MAST2: variants seen among roughly 807,000 people sequenced by gnomAD.
MAST2 encodes microtubule associated serine/threonine kinase 2.
In MAST2, 70 loss-of-function variants were observed where a neutral mutation model predicts 147.4. The ratio of observed to expected loss-of-function variants is 0.47; its 90% CI spans 0.39 to 0.58. The LOEUF is 0.58. Among genes scored for constraint, MAST2 ranks in the 20% least tolerant of loss-of-function variants. The probability of loss-of-function intolerance (pLI) is 0.00; values close to 1 mark genes in which losing one functional copy is unlikely to be tolerated. For missense variants in MAST2, 2,080 were observed against 2,302.3 expected, an observed-to-expected ratio of 0.90 and a Z score of 1.98; for synonymous variants, 869 against 896.8, an observed-to-expected ratio of 0.97 and a Z score of 0.55.
chr1:45,990,575 C>T (rs1395156334), intron 5 of MAST2, among the ~76,000 whole-genome samples: 1 of 152,102 alleles, frequency 6.6e-6, no homozygotes, highest in Admixed American at 6.5e-5. Context: ...CCCACTACAG[C>T]CCAAGCTCAA....
chr1:45,805,650 C>G (rs1291487900), intron 1 of MAST2, among the ~76,000 whole-genome samples: 1 of 151,996 alleles, frequency 6.6e-6, no homozygotes, highest in Non-Finnish European at 1.5e-5. Context: ...CTTGATTTTT[C>G]CCTCCTCTTT....
chr1:45,988,517 T>G (rs942949566), intron 5 of MAST2, among the ~76,000 whole-genome samples: 3 of 152,218 alleles, frequency 2.0e-5, no homozygotes, highest in African/African-American at 7.2e-5. Context: ...AGTGTGATCT[T>G]TCTTAGCAAA....
rs763661962 is a variant in MAST2, at chr1:46,035,968, A to G, written c.5299A>G (p.Lys1767Glu). The G allele has an allele frequency of 1.2e-6, 2 of 1,613,778 alleles. No homozygotes were observed. The highest frequency in any genetic ancestry group is 1.7e-6 in the Non-Finnish European group (2 of 1,180,016). The stretch of plus-strand genomic sequence containing the variant: ...ATGCCGAGGCTGCCCCCTCACCCAG[A>G]AGTCTGAGCCCAGCCTCAGGAGGGG... ...VPCRGCPLTQ[K>E]SEPSLRRGQE... The change falls in exon 29 of 29, where the codon AAG becomes GAG. Residue 1767 changes from lysine (K) to glutamate (E), a missense_variant. Coordinates refer to ENST00000361297, the MANE Select transcript of MAST2 (RefSeq NM_015112.3). The surrounding 1 kb of genome is among the most constrained non-coding windows in gnomAD (Gnocchi z 5.5).
intron 3 of MAST2, among the ~76,000 whole-genome samples, chr1:45,860,274 C>T (rs576532607): frequency 6.6e-6 from 1 of 150,526 alleles, no homozygotes; most frequent in South Asian, 2.1e-4. Context: ...ATCCCAGCTA[C>T]TCGGGAGGCT....
chr1:46,007,468 G>C (rs151026862), intron 8 of MAST2, among the ~76,000 whole-genome samples: 95 of 152,246 alleles, frequency 6.2e-4, no homozygotes, highest in African/African-American at 2.2e-3. Context: ...AGATTGAGAG[G>C]CCCACAGTGA....
chr1:45,859,180 C>T (rs566950715), intron 3 of MAST2, among the ~76,000 whole-genome samples: 2 of 152,222 alleles, frequency 1.3e-5, no homozygotes, highest in South Asian at 2.1e-4. Flanking sequence ...CTGCAACCTC[C>T]GCCTCCTGGG....
At chr1:45,825,295 G>T (rs1644757257) in intron 2 of MAST2, among the ~76,000 whole-genome samples, 1 of 152,192 alleles carries the variant, frequency 6.6e-6, no homozygotes, top group African/African-American at 2.4e-5. Context: ...ATAGTGCTGG[G>T]ATTACAGGCG....
intron 4 of MAST2, among the ~76,000 whole-genome samples, chr1:45,942,311 A>G (rs1488544292): frequency 5.9e-5 from 9 of 151,982 alleles, no homozygotes; most frequent in Admixed American, 2.6e-4. Context: ...CTTTTATTCT[A>G]TTTTCCAGCA....
chr1:46,026,252 G>A, intron 16 of MAST2, among the ~76,000 whole-genome samples: 1 of 152,178 alleles, frequency 6.6e-6, no homozygotes, highest in Non-Finnish European at 1.5e-5. Flanking sequence ...GAGGGTATTA[G>A]TCAAGTGGAA....
At chr1:45,910,026 C>T (rs940707249) in intron 4 of MAST2, among the ~76,000 whole-genome samples, 2 of 151,908 alleles carry the variant, frequency 1.3e-5, no homozygotes, top group Non-Finnish European at 2.9e-5. Flanking sequence ...TGCCCAGCTA[C>T]TTGTCTTTTT....
At chr1:45,995,082 C>T (rs1255281800) in intron 5 of MAST2, among the ~76,000 whole-genome samples, 1 of 152,044 alleles carries the variant, frequency 6.6e-6, no homozygotes, top group African/African-American at 2.4e-5. Context: ...CCTCGTGATC[C>T]GCCCACCTCA....
intron 4 of MAST2, among the ~76,000 whole-genome samples, chr1:45,942,093 G>A (rs987155841): frequency 6.6e-6 from 1 of 151,714 alleles, no homozygotes; most frequent in Non-Finnish European, 1.5e-5. Context: ...GACCCCAAGA[G>A]GTTTGCCAAC....
At chr1:45,926,650 A>G (rs766743736) in intron 4 of MAST2, among the ~76,000 whole-genome samples, 3 of 152,236 alleles carry the variant, frequency 2.0e-5, no homozygotes, top group Admixed American at 6.5e-5. Context: ...AACGGTTTCA[A>G]GGTATTTCAT....
At chr1:45,875,462 AT>A (rs1557856915) in intron 3 of MAST2, among the ~76,000 whole-genome samples, 1 of 152,116 alleles carries the variant, frequency 6.6e-6, no homozygotes, top group Non-Finnish European at 1.5e-5. Context: ...ATAAAAAGTT[AT>A]TTTTGACTTC....
chr1:46,030,599 G>T lies in MAST2; in HGVS notation c.2554-8G>T. On this transcript the variant is annotated splice_polypyrimidine_tract_variant and splice_region_variant and intron_variant, in intron 21 of 28. Transcript: ENST00000361297. ...AGCCCATCCCCAGCGCATCCCCTGTGCCCACAGGTGTACAGCAGCATGGAG... is the reference window on the plus strand; with the variant it reads ...AGCCCATCCCCAGCGCATCCCCTGTTCCCACAGGTGTACAGCAGCATGGAG... 1 of 1,602,390 alleles carries T rather than the reference G, an allele frequency of 6.2e-7. No homozygotes were observed. Among genetic ancestry groups the T allele is most frequent in the Non-Finnish European group, 8.5e-7 (1 of 1,176,580 alleles).
At chr1:46,009,161 TCTC>T (rs1300691590) in intron 9 of MAST2, among the ~76,000 whole-genome samples, 2 of 152,140 alleles carry the variant, frequency 1.3e-5, no homozygotes, top group Non-Finnish European at 2.9e-5. Context: ...TTCAGACAAT[TCTC>T]CTGCCTCAGC....
In MAST2 at chr1:46,036,103, A is replaced by G. The variant is rs755403436; in HGVS notation, c.*37A>G. ...CATTTCTTGCACTCAGACCTGTGTA[A>G]TATATGCTCCTGGAAACCATCTTTA... On this transcript the variant is annotated 3_prime_UTR_variant, in exon 29 of 29. Transcript: ENST00000361297. The G allele has an allele frequency of 6.5e-7, 1 of 1,536,506 alleles. No individual in the cohort carries two copies. The highest frequency in any genetic ancestry group is 2.0e-5 in the Admixed American group (1 of 50,598).
At chr1:45,982,405 A>G (rs2149066010) in intron 5 of MAST2, among the ~76,000 whole-genome samples, 1 of 152,318 alleles carries the variant, frequency 6.6e-6, no homozygotes, top group South Asian at 2.1e-4. Context: ...AAGACAAACC[A>G]CATTATTAGA....
rs1427286763 is a variant in MAST2 at position 45,888,236 on chromosome 1, T to G, written c.500+5841T>G. On this transcript the variant is annotated intron_variant, in intron 4 of 28. Transcript: ENST00000361297. The stretch of plus-strand genomic sequence containing the variant: ...ATCAGGTCCTCTCTTATACTCTAGC[T>G]TATTAAATGGTACTGCTTCCTCAAG... Among the ~76,000 whole-genome samples, 3 of 152,344 alleles carry G rather than the reference T, an allele frequency of 2.0e-5. No individual in the cohort carries two copies. The East Asian group carries it at 5.8e-4, about 29-fold the overall frequency.
Sources: gnomAD v4.1 joint callset for allele counts (sites outside exome capture counted in the v4.1 genomes callset) on GRCh38, gnomAD v4.1.1 for gene constraint, Gnocchi (gnomAD v3.1) non-coding constraint, MANE v1.5 for transcripts, NCBI Gene and HGNC (gene_info 2026-07-23, HGNC 2026-07-21) for gene names.